TTC23: variants seen among roughly 807,000 people sequenced by gnomAD.
TTC23 encodes tetratricopeptide repeat protein 23.
A neutral mutation model predicts 55.1 loss-of-function variants in TTC23; 58 were observed. The ratio of observed to expected loss-of-function variants is 1.05; its 90% CI spans 0.85 to 1.31. The LOEUF is 1.31. TTC23 is among the 50% of genes most tolerant of loss of function. TTC23 has a pLI of 0.00. For synonymous variants in TTC23, 203 were observed against 199.9 expected (o/e 1.02, Z -0.13); for missense variants, 516 against 534.4 (o/e 0.97, Z 0.34).
At chr15:99,248,794 T>C (rs1316254074) in intron 1 of TTC23, among the ~76,000 whole-genome samples, 2 of 152,224 alleles carry the variant, frequency 1.3e-5, no homozygotes, top group Non-Finnish European at 2.9e-5. Context: ...TAAATTCTTT[T>C]GTATTTGTTT....
intron 6 of TTC23, among the ~76,000 whole-genome samples, chr15:99,220,079 G>A (rs946271211): frequency 1.3e-5 from 2 of 152,166 alleles, no homozygotes; most frequent in East Asian, 1.9e-4. Flanking sequence ...ACTGTGTCGA[G>A]TCCCTGAAGG....
chr15:99,232,999 C>T (rs574312750), intron 4 of TTC23, among the ~76,000 whole-genome samples: 2 of 152,076 alleles, frequency 1.3e-5, no homozygotes, highest in South Asian at 2.1e-4. Context: ...CATGATGAAC[C>T]TGGAAAATAC....
chr15:99,157,133 T>A (rs1281140431), intron 11 of TTC23: 1 of 142,700 alleles, frequency 7.0e-6, no homozygotes, highest in African/African-American at 2.6e-5. Context: ...CTTCATACCT[T>A]TTTTTTTTTT....
chr15:99,206,724 G>A (rs1390514434), intron 8 of TTC23, among the ~76,000 whole-genome samples: 2 of 151,966 alleles, frequency 1.3e-5, no homozygotes, highest in Non-Finnish European at 2.9e-5. Flanking sequence ...TCTAGTAAAG[G>A]TTTGTTGATT....
At chr15:99,219,608 A>G (rs1160823730) in intron 6 of TTC23, among the ~76,000 whole-genome samples, 1 of 152,158 alleles carries the variant, frequency 6.6e-6, no homozygotes, top group Admixed American at 6.5e-5. Context: ...ATGTGGTAAG[A>G]GACTAATATG....
At chr15:99,214,692 G>A (rs1351421265) in intron 8 of TTC23, among the ~76,000 whole-genome samples, 1 of 151,744 alleles carries the variant, frequency 6.6e-6, no homozygotes, top group Non-Finnish European at 1.5e-5. Flanking sequence ...GCCTCTCAAA[G>A]CGCTGGGATT....
intron 4 of TTC23, among the ~76,000 whole-genome samples, chr15:99,232,638 A>G (rs746177568): frequency 2.0e-5 from 3 of 152,322 alleles, no homozygotes; most frequent in Non-Finnish European, 4.4e-5. Flanking sequence ...GGCTATGATT[A>G]AAAAAAGAAA....
At chr15:99,240,560 C>T (rs2079690225) in intron 3 of TTC23, among the ~76,000 whole-genome samples, 1 of 152,232 alleles carries the variant, frequency 6.6e-6, no homozygotes, top group South Asian at 2.1e-4. Context: ...AGAGGGGGAG[C>T]TGCCCTGGGG....
At position 99,218,716 on chromosome 15, in the gene TTC23, G is replaced by A. The variant is rs1425528548; in HGVS notation, c.456-3C>T. 4 of 1,613,656 alleles carry A rather than the reference G, an allele frequency of 2.5e-6. No homozygotes were observed. Among genetic ancestry groups the A allele is most frequent in the East Asian group, 2.2e-5 (1 of 44,898 alleles). On this transcript the variant is annotated splice_polypyrimidine_tract_variant and splice_region_variant and intron_variant, in intron 7 of 13. Transcript: ENST00000394132. Reference sequence around the variant, plus strand: ...AATTCTCTGCAGCTTCCTTAAATCTGAATTGTGTTCAGGAAATTTTCCACT... The same window carrying A: ...AATTCTCTGCAGCTTCCTTAAATCTAAATTGTGTTCAGGAAATTTTCCACT...
intron 8 of TTC23, among the ~76,000 whole-genome samples, chr15:99,212,000 A>G (rs2077076803): frequency 6.6e-6 from 1 of 152,180 alleles, no homozygotes; most frequent in South Asian, 2.1e-4. Context: ...CCCAGAGCCT[A>G]CATTGTTAAT....
chr15:99,188,941 T>G (rs1351687572), intron 9 of TTC23, among the ~76,000 whole-genome samples: 1 of 152,104 alleles, frequency 6.6e-6, no homozygotes, highest in Non-Finnish European at 1.5e-5. Context: ...AACTTACCAA[T>G]TAAGTTTTGT....
Position 99,246,611 on chromosome 15 carries a change from T to C in TTC23, c.-430-1101A>G, listed in dbSNP as rs1207358632. ...GCCCGGGTGACAGAGTGACACTCCG[T>C]GTCAAAAAAAAAAAAATTTATTAAC... On this transcript the variant is annotated intron_variant, in intron 1 of 13. Coordinates refer to ENST00000394132, the MANE Select transcript of TTC23 (RefSeq NM_001288615.3). Among the ~76,000 whole-genome samples, 6 of 144,716 alleles carry C rather than the reference T, an allele frequency of 4.1e-5. No homozygotes were observed. The East Asian group carries it at 1.3e-3, about 31-fold the overall frequency. The allele number at this position is 144,716 out of a possible 152,430, so 94.9% of individuals were successfully genotyped here. A position where few individuals can be genotyped will look rare whatever the true frequency, so the allele number is the denominator to read the frequency against.
chr15:99,184,388 C>T (rs1234599394), intron 9 of TTC23, among the ~76,000 whole-genome samples: 1 of 152,218 alleles, frequency 6.6e-6, no homozygotes, highest in African/African-American at 2.4e-5. Flanking sequence ...GGGGGTTGTA[C>T]CCTGCAAAGC....
intron 1 of TTC23, among the ~76,000 whole-genome samples, chr15:99,247,347 A>G (rs2080338094): frequency 6.6e-6 from 1 of 152,234 alleles, no homozygotes; most frequent in African/African-American, 2.4e-5. Context: ...ACACACGTTC[A>G]TACAAAAACT....
At chr15:99,240,764 T>C (rs2079714489) in intron 3 of TTC23, among the ~76,000 whole-genome samples, 2 of 152,214 alleles carry the variant, frequency 1.3e-5, no homozygotes, top group Admixed American at 6.5e-5. Flanking sequence ...CACCACTCAT[T>C]TTCTGTTATT....
intron 8 of TTC23, among the ~76,000 whole-genome samples, chr15:99,206,737 G>A (rs1047919684): frequency 2.0e-5 from 3 of 151,788 alleles, no homozygotes; most frequent in African/African-American, 7.3e-5. Context: ...TGTTGATTTC[G>A]TTTATCTTTT....
chr15:99,202,587 T>C (rs527423019), intron 8 of TTC23, among the ~76,000 whole-genome samples: 1 of 152,338 alleles, frequency 6.6e-6, no homozygotes, highest in South Asian at 2.1e-4. Flanking sequence ...TGGGGGTTTG[T>C]TAATAGGTGA....
At chr15:99,162,801 C>T (rs2071548409) in intron 10 of TTC23, among the ~76,000 whole-genome samples, 2 of 151,960 alleles carry the variant, frequency 1.3e-5, no homozygotes, top group African/African-American at 4.8e-5. Flanking sequence ...AGATTATGGC[C>T]GGGGGTGGTG....
intron 5 of TTC23, among the ~76,000 whole-genome samples, chr15:99,226,503 T>C (rs1267578254): frequency 1.3e-5 from 2 of 152,204 alleles, no homozygotes; most frequent in African/African-American, 2.4e-5. Context: ...AAAACTGATA[T>C]TTTAAAAAGT....
Sources: allele counts gnomAD v4.1 joint callset (sites outside exome capture counted in the v4.1 genomes callset), GRCh38; gene constraint gnomAD v4.1.1; transcripts MANE v1.5; gene names NCBI Gene and HGNC (gene_info 2026-07-23, HGNC 2026-07-21).